CLCNKB: variants seen among roughly 807,000 people sequenced by gnomAD.
The protein encoded by CLCNKB is chloride channel protein ClC-Kb.
CLCNKB carries 74 observed loss-of-function variants against 83.8 expected under a neutral mutation model. The ratio of observed to expected loss-of-function variants is 0.88; its 90% CI spans 0.73 to 1.07. The LOEUF (loss-of-function observed/expected upper bound fraction) is 1.07. CLCNKB is among the 50% of genes least tolerant of loss of function. The pLI is 0.00. For missense variants in CLCNKB, 798 were observed against 893.6 expected (o/e 0.89, Z 1.36); for synonymous variants, 358 against 356.6 (o/e 1.00, Z -0.04).
intron 4 of CLCNKB, among the ~76,000 whole-genome samples, 197 bp downstream of exon 4, chr1:16,046,860 G>A (rs1276206339): frequency 1.3e-5 from 2 of 152,214 alleles, no homozygotes; most frequent in Non-Finnish European, 2.9e-5. Flanking sequence ...CAGGGGCTCC[G>A]CTGGGACTTG....
At position 16,049,184 on chromosome 1, in the gene CLCNKB, C is replaced by T. The variant is rs779412691; in HGVS notation, c.720C>T (p.Phe240=). ...HFSVWDYWRG[F]FAATCGAFMF... is the part of the protein sequence containing the mutation. ...CTGTCTGGGATTACTGGAGGGGCTT[C>T]TTTGCGGCCACCTGCGGGGCCTTCA... Residue 240 remains phenylalanine (F), a synonymous_variant, in exon 8 of 20, where the codon TTC becomes TTT. Transcript: ENST00000375679. The T allele has an allele frequency of 6.2e-7, 1 of 1,613,580 alleles. No homozygotes were observed. Among genetic ancestry groups the T allele is most frequent in the South Asian group, 1.1e-5 (1 of 91,056 alleles).
intron 15 of CLCNKB, among the ~76,000 whole-genome samples, chr1:16,053,416 T>A (rs537486709): frequency 1.9e-4 from 29 of 151,954 alleles, no homozygotes; most frequent in African/African-American, 5.1e-4. Context: ...GACACGGGGG[T>A]CCAGGGGGCT....
Position 16,049,824 on chromosome 1 carries a change from T to C in CLCNKB, c.876T>C (p.Cys292=), listed in dbSNP as rs7368151. Residue 292 remains cysteine (C), a synonymous_variant, in exon 10 of 20, where the codon TGT becomes TGC. Transcript: ENST00000375679. ...TCTCCATGCTCCCCAGGGGTCTCTGTGGCATCCTGGGCAGCGCTTACCTCT... is the reference window on the plus strand; with the variant it reads ...TCTCCATGCTCCCCAGGGGTCTCTGCGGCATCCTGGGCAGCGCTTACCTCT... ...IFFFVALGGL[C]GILGSAYLFC... The C allele has an allele frequency of 0.92, 1,487,960 of 1,613,546 alleles. 691,875 individuals are homozygous for C. The highest frequency in any genetic ancestry group is 1 in the East Asian group (44,811 of 44,828).
intron 2 of CLCNKB, among the ~76,000 whole-genome samples, chr1:16,045,274 C>A (rs1454033809): frequency 6.6e-6 from 1 of 152,192 alleles, no homozygotes; most frequent in Non-Finnish European, 1.5e-5. Context: ...TCCCTGTCCC[C>A]CAGGAACCTC....
intron 7 of CLCNKB, 169 bp from the exon 8 acceptor site, chr1:16,048,951 G>A (rs1179942820): frequency 2.0e-6 from 3 of 1,497,614 alleles, no homozygotes; most frequent in Non-Finnish European, 2.7e-6. Flanking sequence ...TGGGCAGCGG[G>A]CTCCTCCCCG....
At chr1:16,051,436 C>T (rs2023287038) in intron 12 of CLCNKB, 42 bp from the exon 13 acceptor site, 1 of 1,609,160 alleles carries the variant, frequency 6.2e-7, no homozygotes, top group Non-Finnish European at 8.5e-7. Context: ...ACGCCTTGCC[C>T]AGCAGCCTCT....
intron 16 of CLCNKB, among the ~76,000 whole-genome samples, chr1:16,055,155 C>T (rs1184193293): frequency 6.6e-6 from 1 of 152,138 alleles, no homozygotes; most frequent in Non-Finnish European, 1.5e-5. Context: ...GTCTTGAGGC[C>T]TTGCAATGTG....
rs189669011 is a variant in CLCNKB at position 16,046,808 on chromosome 1, C to T, written c.358+145C>T. The T allele has an allele frequency of 7.5e-4, 804 of 1,073,214 alleles. 5 individuals carry two copies. The highest frequency in any genetic ancestry group is 2.9e-3 in the African/African-American group (189 of 65,672). The allele number at this position is 1,073,214 out of a possible 1,614,324, so 66.5% of individuals were successfully genotyped here. Reference sequence around the variant, plus strand: ...GCCCAAAGGGACACAGCAAGAAGGCCAGATCTTGACTTTTGGGTCACTGCT... The same window carrying T: ...GCCCAAAGGGACACAGCAAGAAGGCTAGATCTTGACTTTTGGGTCACTGCT... On this transcript the variant is annotated intron_variant, in intron 4 of 19. Coordinates refer to ENST00000375679, the MANE Select transcript of CLCNKB (RefSeq NM_000085.5).
chr1:16,055,223 T>C lies in CLCNKB; in HGVS notation c.1757-212T>C, dbSNP rs1414498. ...GCTCCCTGGCAGCCTCACTCAGCCATCCTCAGCTACCACACCTGAATGACC... is the reference window on the plus strand; with the variant it reads ...GCTCCCTGGCAGCCTCACTCAGCCACCCTCAGCTACCACACCTGAATGACC... On this transcript the variant is annotated intron_variant, in intron 16 of 19. Transcript: ENST00000375679. 0.71 allele frequency among the ~76,000 whole-genome samples: 108,600 copies of C among 151,978 alleles called. 39,956 individuals carry two copies. Among genetic ancestry groups the C allele is most frequent in the South Asian group, 0.84 (4,027 of 4,816 alleles).
chr1:16,046,841 C>T (rs1246450960), intron 4 of CLCNKB, among the ~76,000 whole-genome samples, 178 bp downstream of exon 4: 4 of 152,240 alleles, frequency 2.6e-5, no homozygotes, highest in East Asian at 3.9e-4. Context: ...GCTGGCCCTA[C>T]CTGCTTTCCA....
rs1484313565 is a variant in CLCNKB, at chr1:16,047,783, C to A, written c.359-122C>A. 5 of 1,176,180 alleles carry A rather than the reference C, an allele frequency of 4.3e-6. No homozygotes were observed. In the African/African-American group the frequency reaches 7.6e-5, roughly 18 times the overall value. 72.9% of individuals were successfully genotyped at this position (1,176,180 alleles called of 1,614,324 possible). A position where few individuals can be genotyped will look rare whatever the true frequency, so the allele number is the denominator to read the frequency against. ...GATCTTGTCCCCAAAGGAAAATAAT[C>A]CTAACTTCAGAGGGTTCTGCTGATC... On this transcript the variant is annotated intron_variant, in intron 4 of 19. Coordinates refer to ENST00000375679, the MANE Select transcript of CLCNKB (RefSeq NM_000085.5).
At position 16,050,406 on chromosome 1, in the gene CLCNKB, C is replaced by G; in HGVS notation, c.969-110C>G. ...CCCCTGGAGCTGGCCCAGTCCATGT[C>G]CCCCATTCCTGCTCTTCCTCCCCAG... On this transcript the variant is annotated intron_variant, in intron 10 of 19. Coordinates refer to ENST00000375679, the MANE Select transcript of CLCNKB (RefSeq NM_000085.5). 2.5e-6 allele frequency: 3 copies of G among 1,200,462 alleles called. No individual in the cohort carries two copies. The South Asian group carries it at 3.7e-5, about 15-fold the overall frequency. The allele number at this position is 1,200,462 out of a possible 1,614,324, so 74.4% of individuals were successfully genotyped here.
chr1:16,051,583 G>T (rs751299514), intron 13 of CLCNKB, 36 bp downstream of exon 13: 1 of 1,612,888 alleles, frequency 6.2e-7, no homozygotes, highest in Non-Finnish European at 8.5e-7. Context: ...AGAGTTTCGG[G>T]GTTCTTGGGG....
At chr1:16,045,239 C>T (rs2023064941) in intron 2 of CLCNKB, among the ~76,000 whole-genome samples, 1 of 152,152 alleles carries the variant, frequency 6.6e-6, no homozygotes, top group African/African-American at 2.4e-5. Context: ...CAGGTGAAAG[C>T]TGTAGCTGCC....
chr1:16,047,883 G>C (rs371135618), intron 4 of CLCNKB, 22 bp from the exon 5 acceptor site: 1 of 1,612,812 alleles, frequency 6.2e-7, no homozygotes, highest in Non-Finnish European at 8.5e-7. Context: ...TCCCCCTCCT[G>C]GCCCTGCCCA....
chr1:16,045,686 G>C lies in CLCNKB; in HGVS notation c.229G>C (p.Ala77Pro). 3.1e-6 allele frequency: 5 copies of C among 1,612,152 alleles called. No homozygotes were observed. Among genetic ancestry groups the C allele is most frequent in the Non-Finnish European group, 4.2e-6 (5 of 1,178,668 alleles). Residue 77 changes from alanine (A) to proline (P), a missense_variant and splice_region_variant, in exon 3 of 20, where the codon GCG becomes CCG. Coordinates refer to ENST00000375679, the MANE Select transcript of CLCNKB (RefSeq NM_000085.5). ...MDLAVESVVR[A>P]HQWLYREIGD... ...CTTGGCTGTTGAGAGTGTGGTCCGA[G>C]GTAACCCCTCCATGGCAGGTGCTGC...
At position 16,048,035 on chromosome 1, in the gene CLCNKB, C is replaced by G. The variant is rs764595483; in HGVS notation, c.489C>G (p.Leu163=). ...CTLACGSTLF[L]GKVGPFVHLS... ...TGGCCTGTGGCAGCACCCTCTTCCT[C>G]GGGAAAGTGGTATGGGCAGGGGTGA... is the stretch of plus-strand genomic sequence containing the variant. Residue 163 remains leucine (L), a synonymous_variant, in exon 5 of 20, where the codon CTC becomes CTG. Transcript: ENST00000375679. 11 of 1,613,650 alleles carry G rather than the reference C, an allele frequency of 6.8e-6. No homozygotes were observed. Among genetic ancestry groups the G allele is most frequent in the Non-Finnish European group, 9.3e-6 (11 of 1,179,792 alleles).
In CLCNKB at chr1:16,046,212, A is replaced by T. The variant is rs373463010; in HGVS notation, c.230-323A>T. Among the ~76,000 whole-genome samples, 20 of 152,322 alleles carry T rather than the reference A, an allele frequency of 1.3e-4. No homozygotes were observed. In the East Asian group the frequency reaches 2.7e-3, roughly 21 times the overall value. ...TTCACACCTGTGTCATGTAGTTCTC[A>T]GTGGCCCTTTAGTCTTTAACGTCTT... On this transcript the variant is annotated intron_variant, in intron 3 of 19. Coordinates refer to ENST00000375679, the MANE Select transcript of CLCNKB (RefSeq NM_000085.5).
intron 2 of CLCNKB, among the ~76,000 whole-genome samples, 155 bp from the exon 3 acceptor site, chr1:16,045,403 G>T (rs1459372074): frequency 6.6e-6 from 1 of 152,178 alleles, no homozygotes; most frequent in African/African-American, 2.4e-5. Flanking sequence ...GGCCACTTAT[G>T]TGAGGCAGGG....
Sources: gnomAD v4.1 joint callset for allele counts (sites outside exome capture counted in the v4.1 genomes callset) on GRCh38, gnomAD v4.1.1 for gene constraint, MANE v1.5 for transcripts, NCBI Gene and HGNC (gene_info 2026-07-23, HGNC 2026-07-21) for gene names.